SESN1: variants seen among roughly 807,000 people sequenced by gnomAD.
SESN1 encodes the protein sestrin-1.
A neutral mutation model predicts 59.3 loss-of-function variants in SESN1; 30 were observed. The observed-to-expected ratio is 0.51, with a 90% CI of 0.38 to 0.69. The LOEUF (loss-of-function observed/expected upper bound fraction) is 0.69. SESN1 is among the 30% of genes least tolerant of loss of function. The pLI is 0.00. For synonymous variants in SESN1, 197 were observed against 219.9 expected (o/e 0.90, Z 0.92); for missense variants, 566 against 673.0 (o/e 0.84, Z 1.76).
chr6:109,061,266 C>G (rs1418708870), intron 1 of SESN1, among the ~76,000 whole-genome samples: 1 of 151,976 alleles, frequency 6.6e-6, no homozygotes, highest in African/African-American at 2.4e-5. Context: ...AAATAATAGA[C>G]AGGCATGCGA....
intron 6 of SESN1, among the ~76,000 whole-genome samples, chr6:108,993,515 C>CTTT (rs1779436426): frequency 6.6e-6 from 1 of 152,154 alleles, no homozygotes; most frequent in African/African-American, 2.4e-5. Context: ...ATCCAACCTC[C>CTTT]ATTTAAACAA....
At chr6:109,037,754 C>T (rs1780270539) in intron 1 of SESN1, among the ~76,000 whole-genome samples, 1 of 151,950 alleles carries the variant, frequency 6.6e-6, no homozygotes, top group Non-Finnish European at 1.5e-5. Context: ...GAGTATATGG[C>T]TGCTTGCTTG....
intron 1 of SESN1, among the ~76,000 whole-genome samples, chr6:109,051,150 C>CA (rs201275516): frequency 0.021 from 3,093 of 146,332 alleles, 98 homozygotes; most frequent in African/African-American, 0.067. Flanking sequence ...CTCTTAAAAA[C>CA]AAAAAAAAAC....
chr6:109,084,132 T>C (rs1781169669), intron 1 of SESN1, among the ~76,000 whole-genome samples: 1 of 152,234 alleles, frequency 6.6e-6, no homozygotes, highest in Non-Finnish European at 1.5e-5. Flanking sequence ...CAAGTTAAAA[T>C]ACTAAATTAA....
At chr6:108,998,309 CTT>C (rs1447257898) in intron 5 of SESN1, among the ~76,000 whole-genome samples, 7 of 152,224 alleles carry the variant, frequency 4.6e-5, no homozygotes, top group Admixed American at 3.9e-4. Context: ...TTGTACATCA[CTT>C]TTGTAAAATG....
At chr6:109,079,127 A>G (rs567955040) in intron 1 of SESN1, among the ~76,000 whole-genome samples, 85 of 152,064 alleles carry the variant, frequency 5.6e-4, no homozygotes, top group Middle Eastern at 6.8e-3. Context: ...GCCTGGTGGA[A>G]AGGCTAAATG....
rs552985210 is a variant in SESN1 at position 109,062,207 on chromosome 6, G to A, written c.279+31588C>T. 7.2e-5 allele frequency among the ~76,000 whole-genome samples: 11 copies of A among 152,348 alleles called. No individual in the cohort carries two copies. In the East Asian group the frequency reaches 1.7e-3, roughly 24 times the overall value. On this transcript the variant is annotated intron_variant, in intron 1 of 9. Transcript: ENST00000436639. Reference sequence around the variant, plus strand: ...GCCCAGCCTGGAAGGCATTCTTGAGGAAGTCAGAATTGAGAGAAATCCGAA... The same window carrying A: ...GCCCAGCCTGGAAGGCATTCTTGAGAAAGTCAGAATTGAGAGAAATCCGAA...
intron 1 of SESN1, among the ~76,000 whole-genome samples, chr6:109,008,134 TTCTTTA>T (rs1779771983): frequency 6.6e-6 from 1 of 152,228 alleles, no homozygotes; most frequent in Non-Finnish European, 1.5e-5. Context: ...CAAAATCTAT[TTCTTTA>T]TCTTTTAGTT....
rs1428809842 is a variant in SESN1 at position 108,987,459 on chromosome 6, C to T, written c.*85G>A. 1.6e-6 allele frequency: 1 copy of T among 644,590 alleles called. No individual in the cohort carries two copies. Among genetic ancestry groups the T allele is most frequent in the Non-Finnish European group, 2.7e-6 (1 of 373,132 alleles). The allele number at this position is 644,590 out of a possible 1,614,324, so 39.9% of individuals were successfully genotyped here. On this transcript the variant is annotated 3_prime_UTR_variant, in exon 10 of 10. Coordinates refer to ENST00000436639, the MANE Select transcript of SESN1 (RefSeq NM_014454.3). ...ATGGATTTCTGAATTATTTTGTCTA[C>T]CATTGGTCCTGGGGCTTAGTACCTT...
At chr6:109,070,917 T>G (rs1270173449) in intron 1 of SESN1, among the ~76,000 whole-genome samples, 5 of 152,148 alleles carry the variant, frequency 3.3e-5, no homozygotes, top group Non-Finnish European at 7.3e-5. Flanking sequence ...CCTTGAGTAG[T>G]AAGAGCGTAT....
intron 1 of SESN1, chr6:109,009,508 C>G: frequency 1.5e-5 from 18 of 1,203,358 alleles, no homozygotes; most frequent in Non-Finnish European, 1.9e-5. Flanking sequence ...GAGCGCTGGG[C>G]AGCCGGCCGC....
At chr6:108,992,642 A>C (rs1779410026) in intron 7 of SESN1, 145 bp downstream of exon 7, 3 of 652,766 alleles carry the variant, frequency 4.6e-6, no homozygotes. Flanking sequence ...AATTAGAAAC[A>C]GTCTTTCACC....
chr6:109,080,625 G>A (rs1048221744), intron 1 of SESN1, among the ~76,000 whole-genome samples: 1 of 152,176 alleles, frequency 6.6e-6, no homozygotes, highest in Non-Finnish European at 1.5e-5. Context: ...TTACCTTGAA[G>A]GAAAACAATT....
chr6:109,041,633 A>C (rs994466397), intron 1 of SESN1, among the ~76,000 whole-genome samples: 12 of 152,204 alleles, frequency 7.9e-5, no homozygotes, highest in African/African-American at 2.9e-4. Context: ...ATAAAAAGTT[A>C]AACCCACCAA....
At chr6:109,050,090 A>C (rs1240387011) in intron 1 of SESN1, among the ~76,000 whole-genome samples, 4 of 152,218 alleles carry the variant, frequency 2.6e-5, no homozygotes, top group Non-Finnish European at 5.9e-5. Flanking sequence ...TGAAAAAGCC[A>C]AACTGGTGGA....
At chr6:109,090,926 C>T (rs1030223063) in intron 1 of SESN1, among the ~76,000 whole-genome samples, 1 of 152,154 alleles carries the variant, frequency 6.6e-6, no homozygotes. Context: ...TGCTCCACTG[C>T]ACCCAGCTAA....
intron 1 of SESN1, chr6:109,009,304 C>G (rs921831092): frequency 4.2e-5 from 59 of 1,416,834 alleles, no homozygotes; most frequent in Admixed American, 1.9e-4. Flanking sequence ...GCAGCTCGGC[C>G]GGGTGCCCAC....
intron 1 of SESN1, among the ~76,000 whole-genome samples, chr6:109,018,567 G>A (rs926289561): frequency 8.0e-5 from 12 of 149,760 alleles, no homozygotes; most frequent in Admixed American, 2.6e-4. Flanking sequence ...TTGTAATGTT[G>A]AAGGAACAGA....
Position 108,992,701 on chromosome 6 carries a change from G to A in SESN1, c.1233+86C>T. The A allele has an allele frequency of 3.6e-6, 3 of 834,768 alleles. No individual in the cohort carries two copies. The South Asian group carries it at 4.2e-5, about 12-fold the overall frequency. The allele number at this position is 834,768 out of a possible 1,614,324, so 51.7% of individuals were successfully genotyped here. A position where few individuals can be genotyped will look rare whatever the true frequency, so the allele number is the denominator to read the frequency against. On this transcript the variant is annotated intron_variant, in intron 7 of 9. Transcript: ENST00000436639. ...TACTGCCTGCAAAGCACTTAGCATA[G>A]TTCTCAAATCTAAGTGGCTGTTTTG...
Sources: allele counts gnomAD v4.1 joint callset (sites outside exome capture counted in the v4.1 genomes callset), GRCh38; gene constraint gnomAD v4.1.1; transcripts MANE v1.5; gene names NCBI Gene and HGNC (gene_info 2026-07-23, HGNC 2026-07-21).